AJAP1: variants seen among roughly 807,000 people sequenced by gnomAD.
AJAP1 encodes the protein adherens junctions associated protein 1, also known as adherens junction-associated protein 1.
AJAP1 carries 5 observed loss-of-function variants against 35.0 expected under a neutral mutation model. The observed-to-expected ratio is 0.14, with a 90% CI of 0.07 to 0.30. The LOEUF (loss-of-function observed/expected upper bound fraction) is 0.30. Among genes scored for constraint, AJAP1 ranks in the 10% least tolerant of loss-of-function variants. AJAP1 has a pLI of 1.00. For synonymous variants in AJAP1, 284 were observed against 249.3 expected (o/e 1.14, Z -1.31); for missense variants, 586 against 571.0 (o/e 1.03, Z -0.27).
intron 2 of AJAP1, among the ~76,000 whole-genome samples, chr1:4,745,047 G>A (rs905183715): frequency 6.6e-6 from 1 of 152,166 alleles, no homozygotes; most frequent in Non-Finnish European, 1.5e-5. Context: ...CTCAGACAGA[G>A]CGTCCTTGGA....
intron 2 of AJAP1, among the ~76,000 whole-genome samples, chr1:4,732,521 G>A (rs1640822775): frequency 6.6e-6 from 1 of 152,266 alleles, no homozygotes; most frequent in African/African-American, 2.4e-5. Context: ...GAGCCCCAGA[G>A]GCCCAACTTG....
intron 1 of AJAP1, among the ~76,000 whole-genome samples, chr1:4,690,769 A>G (rs1218009792): frequency 3.9e-5 from 6 of 152,078 alleles, no homozygotes; most frequent in Admixed American, 3.3e-4. Context: ...TTCTCTCCAC[A>G]CTCAGGTCCT....
At chr1:4,664,925 G>T (rs1344432006) in intron 1 of AJAP1, among the ~76,000 whole-genome samples, 1 of 152,156 alleles carries the variant, frequency 6.6e-6, no homozygotes, top group Non-Finnish European at 1.5e-5. Flanking sequence ...CAGTTACTAG[G>T]CAGGGTCATT....
intron 2 of AJAP1, among the ~76,000 whole-genome samples, chr1:4,762,044 G>C (rs1163487151): frequency 6.6e-6 from 1 of 152,080 alleles, no homozygotes; most frequent in Non-Finnish European, 1.5e-5. Context: ...TTGTCAACTT[G>C]AGCCCATACA....
At chr1:4,677,236 T>C (rs767112377) in intron 1 of AJAP1, among the ~76,000 whole-genome samples, 4 of 151,996 alleles carry the variant, frequency 2.6e-5, no homozygotes, top group Non-Finnish European at 5.9e-5. Flanking sequence ...GGTTGGTAAG[T>C]CTGGGTAAGT....
chr1:4,684,193 CG>C (rs1639549497), intron 1 of AJAP1, among the ~76,000 whole-genome samples: 1 of 152,148 alleles, frequency 6.6e-6, no homozygotes, highest in Non-Finnish European at 1.5e-5. Context: ...ATGTGCAGGG[CG>C]GGAATGCATC....
Position 4,711,973 on chromosome 1 carries a change from G to T in AJAP1, c.103G>T (p.Ala35Ser), listed in dbSNP as rs1302267478. 2 of 1,583,532 alleles carry T rather than the reference G, an allele frequency of 1.3e-6. No homozygotes were observed. Among genetic ancestry groups the T allele is most frequent in the Non-Finnish European group, 1.7e-6 (2 of 1,169,932 alleles). Reference protein sequence around the residue: ...AWILIAMFQLAVDLPACEALG... With the variant: ...AWILIAMFQLSVDLPACEALG... The stretch of plus-strand genomic sequence containing the variant: ...GATACTGATAGCCATGTTTCAGCTC[G>T]CCGTGGACCTGCCCGCCTGTGAGGC... The change falls in exon 2 of 6, where the codon GCC (alanine) becomes TCC (serine). Residue 35 changes from alanine to serine, a missense_variant. By Grantham distance (99) the Ala-to-Ser change is moderately conservative. Transcript: ENST00000378191.
rs1222394200 is a variant in AJAP1, at chr1:4,783,592, T to C, written c.*1107T>C. On this transcript the variant is annotated 3_prime_UTR_variant, in exon 6 of 6. Transcript: ENST00000378191. ...TTGTGTATATATATACACATATGCA[T>C]ACATATGATTTTTTTTTTTCATTTA... The C allele has an allele frequency of 6.8e-6, 1 of 147,924 alleles. No individual in the cohort carries two copies. Among genetic ancestry groups the C allele is most frequent in the Non-Finnish European group, 1.5e-5 (1 of 67,248 alleles). The allele number at this position is 147,924 out of a possible 1,614,324, so 9.2% of individuals were successfully genotyped here.
rs115895257 is a variant in AJAP1, at chr1:4,699,660, A to T, written c.30-12240A>T. ...ATGATGGAGCTGTCTTGAAAATCTG[A>T]AGCCTTTGGAGGGACACATCCTTCC... On this transcript the variant is annotated intron_variant, in intron 1 of 5. Transcript: ENST00000378191. Among the ~76,000 whole-genome samples, 634 of 152,166 alleles carry T rather than the reference A, an allele frequency of 4.2e-3. 7 individuals are homozygous for T. The highest frequency in any genetic ancestry group is 0.014 in the African/African-American group (597 of 41,496).
intron 1 of AJAP1, among the ~76,000 whole-genome samples, chr1:4,688,371 C>T (rs1313113301): frequency 6.6e-6 from 1 of 152,138 alleles, no homozygotes; most frequent in South Asian, 2.1e-4. Context: ...CATAACTATT[C>T]CGGTTGACAT....
At chr1:4,704,923 G>A (rs1640067604) in intron 1 of AJAP1, among the ~76,000 whole-genome samples, 2 of 152,204 alleles carry the variant, frequency 1.3e-5, no homozygotes, top group South Asian at 4.1e-4. Context: ...GTGAGCATTT[G>A]TTCATGTGTT....
chr1:4,676,885 C>T (rs1402236574), intron 1 of AJAP1, among the ~76,000 whole-genome samples: 1 of 152,148 alleles, frequency 6.6e-6, no homozygotes, highest in Non-Finnish European at 1.5e-5. Flanking sequence ...GGCCAGGGGC[C>T]GTGGCTCACG....
intron 2 of AJAP1, 144 bp downstream of exon 2, chr1:4,712,843 C>T: frequency 1.2e-6 from 1 of 837,496 alleles, no homozygotes; most frequent in Non-Finnish European, 1.7e-6. Flanking sequence ...TGAGCTTGCA[C>T]ATGCCTGTAG....
chr1:4,722,756 T>G (rs894629691), intron 2 of AJAP1, among the ~76,000 whole-genome samples: 14 of 152,190 alleles, frequency 9.2e-5, no homozygotes, highest in African/African-American at 3.1e-4. Flanking sequence ...TCTCCCTGTG[T>G]CTGTCTTCTA....
rs761525232 is a variant in AJAP1 at position 4,712,582 on chromosome 1, G to A, written c.712G>A (p.Glu238Lys). The A allele has an allele frequency of 1.1e-5, 17 of 1,608,122 alleles. No homozygotes were observed. The East Asian group carries it at 2.7e-4, about 25-fold the overall frequency. ...GACGCTGCAGACTAAGGGGTTCACC[G>A]AGTCCTTGGATCCCCGGAGAAGGAT... Reference protein sequence around the residue: ...PMTLQTKGFTESLDPRRRIPG... With the variant: ...PMTLQTKGFTKSLDPRRRIPG... Residue 238 changes from glutamate (E) to lysine (K), a missense_variant, in exon 2 of 6, where the codon GAG becomes AAG. By Grantham distance (56) the Glu-to-Lys change is moderately conservative (BLOSUM62 1). Coordinates refer to ENST00000378191, the MANE Select transcript of AJAP1 (RefSeq NM_018836.4).
intron 1 of AJAP1, among the ~76,000 whole-genome samples, chr1:4,707,389 G>T (rs1040134927): frequency 6.6e-6 from 1 of 151,796 alleles, no homozygotes; most frequent in Non-Finnish European, 1.5e-5. Flanking sequence ...AGAATATTTC[G>T]TCACCCCATA....
chr1:4,664,176 C>G (rs887617276), intron 1 of AJAP1, among the ~76,000 whole-genome samples: 2 of 152,172 alleles, frequency 1.3e-5, no homozygotes, highest in African/African-American at 4.8e-5. Flanking sequence ...AGCCCGCACT[C>G]AAACCCAGGC....
At chr1:4,718,086 C>G (rs1012054379) in intron 2 of AJAP1, among the ~76,000 whole-genome samples, 1 of 152,070 alleles carries the variant, frequency 6.6e-6, no homozygotes, top group African/African-American at 2.4e-5. Flanking sequence ...AGGGTCTTAA[C>G]TGGGATCTTC....
Position 4,716,910 on chromosome 1 carries a change from A to G in AJAP1, c.829+4211A>G, listed in dbSNP as rs1392140697. Among the ~76,000 whole-genome samples the G allele has an allele frequency of 2.0e-5, 3 of 152,224 alleles. No homozygotes were observed. The East Asian group carries it at 5.8e-4, about 29-fold the overall frequency. ...ACCTTGGCGCTCTGTACAGAAGTGT[A>G]GATGGCACTAGCCAAGAACCTCTTG... On this transcript the variant is annotated intron_variant, in intron 2 of 5. Coordinates refer to ENST00000378191, the MANE Select transcript of AJAP1 (RefSeq NM_018836.4).
Sources: allele counts gnomAD v4.1 joint callset (sites outside exome capture counted in the v4.1 genomes callset), GRCh38; gene constraint gnomAD v4.1.1; transcripts MANE v1.5; gene names NCBI Gene and HGNC (gene_info 2026-07-23, HGNC 2026-07-21).